The following ODAD1 variants were observed in gnomAD, a reference collection of about 807,000 sequenced individuals.
ODAD1 encodes the protein outer dynein arm docking complex subunit 1, also known as outer dynein arm-docking complex subunit 1.
ODAD1 carries 49 observed loss-of-function variants against 67.2 expected under a neutral mutation model. The ratio of observed to expected loss-of-function variants is 0.73; its 90% CI spans 0.58 to 0.92. The LOEUF is 0.92. Among genes scored for constraint, ODAD1 ranks in the 40% least tolerant of loss-of-function variants. The pLI, the probability that ODAD1 is intolerant of heterozygous loss-of-function variation, is 0.00. For missense variants in ODAD1, 897 were observed against 953.7 expected (o/e 0.94, Z 0.78); for synonymous variants, 345 against 393.7 (o/e 0.88, Z 1.46).
intron 1 of ODAD1, among the ~76,000 whole-genome samples, 166 bp from the exon 2 acceptor site, chr19:48,320,977 C>G (rs2147339467): frequency 6.6e-6 from 1 of 152,342 alleles, no homozygotes; most frequent in Non-Finnish European, 1.5e-5. Context: ...TGGCTCACGC[C>G]TGCAATCCCA....
At chr19:48,315,323 T>C (rs1156638870) in intron 5 of ODAD1, among the ~76,000 whole-genome samples, 1 of 152,146 alleles carries the variant, frequency 6.6e-6, no homozygotes, top group Non-Finnish European at 1.5e-5. Context: ...GGTGGGCAGA[T>C]CCCCTGAGGT....
chr19:48,312,168 T>A, intron 5 of ODAD1, 52 bp from the exon 6 acceptor site: 1 of 1,463,120 alleles, frequency 6.8e-7, no homozygotes, highest in Non-Finnish European at 9.3e-7. Flanking sequence ...GTGGGAGAGA[T>A]TGAATGGCCC....
intron 5 of ODAD1, among the ~76,000 whole-genome samples, chr19:48,312,412 GTTTTTTTTTTTTT>G (rs528076931): frequency 2.6e-5 from 2 of 76,972 alleles, no homozygotes; most frequent in African/African-American, 5.2e-5. Flanking sequence ...TTTTTTTTTT[GTTTTTTTTTTTTT>G]TTTTTTTGAG....
chr19:48,302,963 C>T (rs376126041), intron 11 of ODAD1, 50 bp downstream of exon 11: 112 of 777,456 alleles, frequency 1.4e-4, no homozygotes, highest in African/African-American at 5.5e-4. Flanking sequence ...GGGAAGGGGG[C>T]GGGGAGGCCG....
Position 48,297,635 on chromosome 19 carries a change from G to C in ODAD1, c.1536C>G (p.Asp512Glu). The change falls in exon 15 of 16, where the codon GAC (aspartate) becomes GAG (glutamate). Residue 512 changes from aspartate (D) to glutamate (E), a missense_variant. Transcript: ENST00000674294. ...GCAGCTCCTCCCTGCTCATGGGGTA[G>C]TCATCGCTGGCCTCAAAACCCGGGG... ...EDPPGFEASD[D>E]YPMSREELLS... 1 of 1,524,012 alleles carries C rather than the reference G, an allele frequency of 6.6e-7. No homozygotes were observed. Among genetic ancestry groups the C allele is most frequent in the Non-Finnish European group, 8.8e-7 (1 of 1,138,544 alleles). The allele number at this position is 1,524,012 out of a possible 1,614,324, so 94.4% of individuals were successfully genotyped here.
intron 7 of ODAD1, among the ~76,000 whole-genome samples, chr19:48,310,886 G>A (rs1968740935): frequency 6.6e-6 from 1 of 151,578 alleles, no homozygotes; most frequent in Admixed American, 6.6e-5. Context: ...AGACTAGCCT[G>A]GGCAACATGG....
chr19:48,302,517 TA>T (rs1968492549), intron 12 of ODAD1, among the ~76,000 whole-genome samples, 176 bp downstream of exon 12: 1 of 151,436 alleles, frequency 6.6e-6, no homozygotes, highest in African/African-American at 2.4e-5. Flanking sequence ...GATGGATGGA[TA>T]GATGGACATG....
chr19:48,307,235 T>G (rs548239530), intron 7 of ODAD1, among the ~76,000 whole-genome samples: 1 of 150,566 alleles, frequency 6.6e-6, no homozygotes, highest in South Asian at 2.1e-4. Context: ...AAATGAGGAA[T>G]GCTCAGGAAA....
At chr19:48,311,969 G>A (rs934727639) in intron 6 of ODAD1, 25 bp downstream of exon 6, 32 of 1,548,168 alleles carry the variant, frequency 2.1e-5, no homozygotes, top group African/African-American at 2.7e-5. Flanking sequence ...AATTCAGGTC[G>A]AGGGACCAGG....
chr19:48,296,936 C>T lies in ODAD1; in HGVS notation c.*40G>A, dbSNP rs1319147231. 6.6e-7 allele frequency: 1 copy of T among 1,522,614 alleles called. No homozygotes were observed. The highest frequency in any genetic ancestry group is 8.8e-7 in the Non-Finnish European group (1 of 1,142,852). 94.3% of individuals were successfully genotyped at this position (1,522,614 alleles called of 1,614,324 possible). ...AGTAGAGACACAAAAAAAGACCCCA[C>T]AGAGAGCCAGGGCAGGGTGGGGGCT... is the stretch of plus-strand genomic sequence containing the variant. On this transcript the variant is annotated 3_prime_UTR_variant, in exon 16 of 16. Transcript: ENST00000674294.
Position 48,303,011 on chromosome 19 carries a change from AC to A in ODAD1, c.1071+1del. ...GAGATGGAGAGGGCAGGCCTCACTC[AC>A]CTCCTTGATCTCTTCCTGCACATGC... On this transcript the variant is annotated splice_donor_variant, in intron 11 of 15. Transcript: ENST00000674294. LOFTEE classifies it high-confidence loss of function. The A allele has an allele frequency of 1.2e-6, 2 of 1,613,288 alleles. No individual in the cohort carries two copies. Among genetic ancestry groups the A allele is most frequent in the Non-Finnish European group, 1.7e-6 (2 of 1,179,498 alleles).
In ODAD1 at chr19:48,297,150, A is replaced by G. The variant is rs2147307354; in HGVS notation, c.1950T>C (p.Thr650=). ...PVSASSYLGS[T]GYVGSSRGGE... is the part of the protein sequence containing the mutation. Reference sequence around the variant, plus strand: ...CGCCCCTGCTGGACCCCACGTATCCAGTGGAGCCCAGGTAGCTGCTGGCGC... The same window carrying G: ...CGCCCCTGCTGGACCCCACGTATCCGGTGGAGCCCAGGTAGCTGCTGGCGC... The change falls in exon 16 of 16, where the codon ACT becomes ACC. Residue 650 remains threonine, a synonymous_variant. Coordinates refer to ENST00000674294, the MANE Select transcript of ODAD1 (RefSeq NM_001364171.2). The G allele has an allele frequency of 6.2e-7, 1 of 1,614,090 alleles. No homozygotes were observed. Among genetic ancestry groups the G allele is most frequent in the East Asian group, 2.2e-5 (1 of 44,868 alleles).
intron 7 of ODAD1, among the ~76,000 whole-genome samples, chr19:48,310,055 A>G (rs1213966817): frequency 6.6e-6 from 1 of 152,082 alleles, no homozygotes; most frequent in Non-Finnish European, 1.5e-5. Context: ...ACCAACATGG[A>G]GAAACCCTGT....
chr19:48,319,146 C>T (rs530260837), intron 3 of ODAD1, among the ~76,000 whole-genome samples: 3 of 152,146 alleles, frequency 2.0e-5, no homozygotes, highest in Admixed American at 2.0e-4. Context: ...CTTTTCTGCC[C>T]CACCATCAGC....
At chr19:48,301,524 A>G (rs1666750922) in intron 12 of ODAD1, among the ~76,000 whole-genome samples, 1 of 152,244 alleles carries the variant, frequency 6.6e-6, no homozygotes, top group Non-Finnish European at 1.5e-5. Flanking sequence ...TTTACAAATA[A>G]TAACATTTTT....
At chr19:48,315,272 C>T (rs1276229644) in intron 5 of ODAD1, among the ~76,000 whole-genome samples, 3 of 152,218 alleles carry the variant, frequency 2.0e-5, no homozygotes, top group South Asian at 4.1e-4. Context: ...GGGATGGGCA[C>T]GGTGGCTCAC....
rs1969037695 is a variant in ODAD1 at position 48,321,922 on chromosome 19, A to C, written c.-308T>G. On this transcript the variant is annotated 5_prime_UTR_variant, in exon 1 of 16. Transcript: ENST00000674294. ...AAGCGCGACCAACGGCTTCCCGGGA[A>C]GCAGCCAAAAACGCTTGGCCGCCTA... 2.5e-6 allele frequency: 1 copy of C among 397,164 alleles called. No individual in the cohort carries two copies. The highest frequency in any genetic ancestry group is 4.4e-6 in the Non-Finnish European group (1 of 225,058). The allele number at this position is 397,164 out of a possible 1,614,324, so 24.6% of individuals were successfully genotyped here.
chr19:48,318,867 C>T, intron 3 of ODAD1, 55 bp from the exon 4 acceptor site: 1 of 1,132,572 alleles, frequency 8.8e-7, no homozygotes, highest in Admixed American at 2.0e-5. Flanking sequence ...CCAGCTCCTC[C>T]CAACCCAGGA....
At chr19:48,311,509 C>T (rs897293316) in intron 7 of ODAD1, 44 bp downstream of exon 7, 9 of 1,142,266 alleles carry the variant, frequency 7.9e-6, no homozygotes, top group Non-Finnish European at 1.2e-5. Flanking sequence ...GGAGGACCTG[C>T]GCAGGGGTCC....
Sources: allele counts gnomAD v4.1 joint callset (sites outside exome capture counted in the v4.1 genomes callset), GRCh38; gene constraint gnomAD v4.1.1; transcripts MANE v1.5; gene names NCBI Gene and HGNC (gene_info 2026-07-23, HGNC 2026-07-21).